The following NME7 variants were observed in gnomAD, a reference collection of about 807,000 sequenced individuals.
The protein encoded by NME7 is nucleoside diphosphate kinase 7.
Under a neutral mutation model 49.1 loss-of-function variants are expected in NME7, and 41 were observed. The ratio of observed to expected loss-of-function variants is 0.83; its 90% CI spans 0.65 to 1.08. The LOEUF (loss-of-function observed/expected upper bound fraction) is 1.08. Ranked by LOEUF, NME7 falls within the 50% of genes least tolerant of loss-of-function variation. The pLI, the probability that NME7 is intolerant of heterozygous loss-of-function variation, is 0.00. For missense variants in NME7, 423 were observed against 463.4 expected, an observed-to-expected ratio of 0.91 and a Z score of 0.80; for synonymous variants, 139 against 150.6, an observed-to-expected ratio of 0.92 and a Z score of 0.56.
intron 1 of NME7, among the ~76,000 whole-genome samples, chr1:169,351,259 A>T (rs893351541): frequency 1.3e-5 from 2 of 152,156 alleles, no homozygotes; most frequent in Non-Finnish European, 2.9e-5. Context: ...CACTGATGTT[A>T]ACCAAAATCA....
chr1:169,351,465 A>C (rs1488752674), intron 1 of NME7, among the ~76,000 whole-genome samples: 1 of 152,082 alleles, frequency 6.6e-6, no homozygotes. Flanking sequence ...AAGTGCCTAC[A>C]TTAAAAAAAA....
chr1:169,350,881 T>C (rs777610034), intron 1 of NME7, among the ~76,000 whole-genome samples: 2 of 152,182 alleles, frequency 1.3e-5, no homozygotes, highest in Admixed American at 6.5e-5. Flanking sequence ...GTAGAAGACA[T>C]GTGGGCCTTT....
chr1:169,315,350 C>T (rs1484010038), intron 3 of NME7, among the ~76,000 whole-genome samples: 1 of 151,554 alleles, frequency 6.6e-6, no homozygotes, highest in East Asian at 1.9e-4. Flanking sequence ...CTACAACCTC[C>T]ACCTCCCGGG....
intron 10 of NME7, among the ~76,000 whole-genome samples, chr1:169,182,621 G>A (rs1557977315): frequency 6.6e-6 from 1 of 152,128 alleles, no homozygotes; most frequent in Non-Finnish European, 1.5e-5. Flanking sequence ...TCTGCTAACA[G>A]GCTGCATTAC....
intron 11 of NME7, among the ~76,000 whole-genome samples, chr1:169,134,813 G>A (rs1435981384): frequency 1.3e-5 from 2 of 151,888 alleles, no homozygotes; most frequent in East Asian, 3.9e-4. Flanking sequence ...TAAAATTTCA[G>A]GTGGTAAATA....
chr1:169,322,971 T>A (rs975350212), intron 3 of NME7, 146 bp downstream of exon 3: 23 of 583,982 alleles, frequency 3.9e-5, no homozygotes, highest in African/African-American at 9.6e-5. Context: ...AATTTTTTTT[T>A]AAATTGAAAA....
chr1:169,330,533 G>T (rs1652215925), intron 1 of NME7, among the ~76,000 whole-genome samples: 1 of 152,044 alleles, frequency 6.6e-6, no homozygotes, highest in Non-Finnish European at 1.5e-5. Context: ...ACAAAAATTA[G>T]CCAGGCATGG....
chr1:169,332,985 A>G (rs1652315876), intron 1 of NME7, among the ~76,000 whole-genome samples: 1 of 152,226 alleles, frequency 6.6e-6, no homozygotes, highest in East Asian at 1.9e-4. Context: ...GGGAATCAGT[A>G]TATTGAAGAG....
intron 11 of NME7, among the ~76,000 whole-genome samples, chr1:169,161,715 T>C (rs1042210984): frequency 6.6e-6 from 1 of 152,172 alleles, no homozygotes; most frequent in South Asian, 2.1e-4. Context: ...GTCTATAGTT[T>C]AACCTGAAAA....
chr1:169,251,543 G>GTTTC (rs1553250295), intron 7 of NME7, among the ~76,000 whole-genome samples: 1 of 101,052 alleles, frequency 9.9e-6, no homozygotes, highest in Non-Finnish European at 2.1e-5. Flanking sequence ...AGATACTCTG[G>GTTTC]TTTCTTTTTT....
intron 3 of NME7, among the ~76,000 whole-genome samples, chr1:169,312,760 T>C (rs1310780170): frequency 3.3e-5 from 5 of 152,232 alleles, no homozygotes; most frequent in African/African-American, 1.2e-4. Context: ...GCTATTGCTA[T>C]GTAATAAAGT....
chr1:169,328,062 C>T (rs1194535680), intron 1 of NME7, among the ~76,000 whole-genome samples: 3 of 152,112 alleles, frequency 2.0e-5, no homozygotes, highest in Admixed American at 6.6e-5. Flanking sequence ...CTGAGTGCAA[C>T]GAGCACACCA....
At chr1:169,330,894 A>T (rs1224262044) in intron 1 of NME7, among the ~76,000 whole-genome samples, 1 of 151,816 alleles carries the variant, frequency 6.6e-6, no homozygotes, top group African/African-American at 2.4e-5. Flanking sequence ...CATAATAAAG[A>T]CTCCCAGTAA....
chr1:169,208,323 T>C (rs1430265384), intron 10 of NME7, among the ~76,000 whole-genome samples: 2 of 152,194 alleles, frequency 1.3e-5, no homozygotes, highest in African/African-American at 2.4e-5. Context: ...TAATACTTCA[T>C]ATGCACTTTG....
At chr1:169,359,062 G>C (rs2101987194) in intron 1 of NME7, among the ~76,000 whole-genome samples, 1 of 152,206 alleles carries the variant, frequency 6.6e-6, no homozygotes, top group East Asian at 1.9e-4. Context: ...CTCAGTATTT[G>C]CAGGGGATTG....
chr1:169,327,940 A>AAATT (rs1652123386), intron 1 of NME7, among the ~76,000 whole-genome samples: 1 of 152,164 alleles, frequency 6.6e-6, no homozygotes. Flanking sequence ...TTACCAAGCA[A>AAATT]AATTGTACCT....
At chr1:169,235,650 G>T (rs994752267) in intron 8 of NME7, among the ~76,000 whole-genome samples, 12 of 152,104 alleles carry the variant, frequency 7.9e-5, no homozygotes, top group African/African-American at 2.9e-4. Context: ...ACTATTGATA[G>T]ATTAGTGGCA....
intron 11 of NME7, among the ~76,000 whole-genome samples, chr1:169,134,953 T>A (rs1220977705): frequency 1.5e-5 from 2 of 134,194 alleles, no homozygotes; most frequent in African/African-American, 5.7e-5. Context: ...GGTTGGAGGA[T>A]CACTTGAGCC....
At chr1:169,166,609 T>C (rs935758576) in intron 11 of NME7, among the ~76,000 whole-genome samples, 18 of 152,234 alleles carry the variant, frequency 1.2e-4, no homozygotes, top group African/African-American at 3.9e-4. Context: ...ATAAACATAT[T>C]GTAATGTCAC....
Sources: gnomAD v4.1 joint callset for allele counts (sites outside exome capture counted in the v4.1 genomes callset) on GRCh38, gnomAD v4.1.1 for gene constraint, MANE v1.5 for transcripts, NCBI Gene and HGNC (gene_info 2026-07-23, HGNC 2026-07-21) for gene names.